The following MADD variants were observed in gnomAD, a reference collection of about 807,000 sequenced individuals.
MADD encodes the protein MAP kinase activating death domain.
MADD carries 109 observed loss-of-function variants against 176.7 expected under a neutral mutation model. The ratio of observed to expected loss-of-function variants is 0.62; its 90% CI spans 0.53 to 0.72. The LOEUF is 0.72. Ranked by LOEUF, MADD falls within the 30% of genes least tolerant of loss-of-function variation. The pLI, the probability that MADD is intolerant of heterozygous loss-of-function variation, is 0.00. For missense variants in MADD, 1,914 were observed against 2,045.5 expected, an observed-to-expected ratio of 0.94 and a Z score of 1.24; for synonymous variants, 771 against 771.3, an observed-to-expected ratio of 1.00 and a Z score of 0.01.
chr11:47,311,956 A>G (rs1041806463), intron 26 of MADD, 114 bp downstream of exon 29: 11 of 643,796 alleles, frequency 1.7e-5, no homozygotes, highest in African/African-American at 1.3e-4. Context: ...TTGACTGTAA[A>G]TGAGGCATTA....
In MADD at chr11:47,296,199, A is replaced by G. The variant is rs1289594532; in HGVS notation, c.3642+144A>G. The G allele has an allele frequency of 3.1e-6, 3 of 962,376 alleles. No homozygotes were observed. In the East Asian group the frequency reaches 7.8e-5, roughly 25 times the overall value. 59.6% of individuals were successfully genotyped at this position (962,376 alleles called of 1,614,324 possible). A position where few individuals can be genotyped will look rare whatever the true frequency, so the allele number is the denominator to read the frequency against. On this transcript the variant is annotated intron_variant, in intron 22 of 32. Coordinates refer to ENST00000402192, the Ensembl canonical transcript of MADD. ...TCTTCTTATATTTGGCTTTAAGGAA[A>G]ACATTTCTTAAGGCTTTGTTCAGAG...
At chr11:47,324,665 A>G in intron 30 of MADD, 88 bp downstream of exon 33, 1 of 880,746 alleles carries the variant, frequency 1.1e-6, no homozygotes, top group Non-Finnish European at 1.8e-6. Context: ...CCCAGCAAGC[A>G]TGAGAGAGGG....
At chr11:47,290,016 C>T (rs1555044809) in exon 17 of MADD, 3 of 1,614,036 alleles carry the variant, frequency 1.9e-6, no homozygotes, top group African/African-American at 2.7e-5. Flanking sequence ...ATGGTGCAGT[C>T]AGAGGACGAT....
At chr11:47,279,506 G>T (rs1192962238) in intron 7 of MADD, among the ~76,000 whole-genome samples, 1 of 150,506 alleles carries the variant, frequency 6.6e-6, no homozygotes, top group Non-Finnish European at 1.5e-5. Flanking sequence ...TGCCTCTCCA[G>T]GAGCTGGGAC....
intron 7 of MADD, among the ~76,000 whole-genome samples, chr11:47,280,057 G>A (rs759438701): frequency 3.9e-4 from 60 of 152,104 alleles, no homozygotes; most frequent in Admixed American, 2.6e-4. Context: ...GCCACAGAGT[G>A]AGACTCAGTC....
chr11:47,318,531 T>A (rs901389960), intron 27 of MADD, among the ~76,000 whole-genome samples: 17 of 151,992 alleles, frequency 1.1e-4, no homozygotes, highest in Non-Finnish European at 2.1e-4. Context: ...CTTTTCCTTT[T>A]AAAAAAAATA....
At chr11:47,311,824 T>C (rs971670175) in exon 26 of MADD, 1 of 1,613,458 alleles carries the variant, frequency 6.2e-7, no homozygotes, top group Non-Finnish European at 8.5e-7. Flanking sequence ...ATGAGGTGCT[T>C]GATCAGCTGG....
chr11:47,278,276 A>G, exon 6 of MADD: 1 of 1,609,232 alleles, frequency 6.2e-7, no homozygotes, highest in South Asian at 1.1e-5. Context: ...GGACAGCAAT[A>G]GGGTGAGGTT....
At chr11:47,316,653 T>A (rs2093113448) in intron 27 of MADD, among the ~76,000 whole-genome samples, 1 of 152,036 alleles carries the variant, frequency 6.6e-6, no homozygotes, top group African/African-American at 2.4e-5. Context: ...CCTCCCAAAG[T>A]GCTGAGATCA....
intron 27 of MADD, among the ~76,000 whole-genome samples, chr11:47,316,167 ACACG>A (rs946417799): frequency 8.8e-5 from 11 of 124,830 alleles, no homozygotes; most frequent in East Asian, 3.9e-4. Flanking sequence ...GCGCGCACAC[ACACG>A]CGCACACACA....
intron 16 of MADD, 53 bp downstream of exon 17, chr11:47,289,546 C>A: frequency 6.8e-7 from 1 of 1,469,194 alleles, no homozygotes; most frequent in Non-Finnish European, 9.5e-7. Context: ...TGGGGTGGTT[C>A]CTCTACAGAA....
At position 47,286,552 on chromosome 11, in the gene MADD, T is replaced by C. The variant is rs754479706; in HGVS notation, c.2653+18T>C. The C allele has an allele frequency of 6.3e-7, 1 of 1,587,890 alleles. No individual in the cohort carries two copies. The highest frequency in any genetic ancestry group is 1.7e-5 in the Admixed American group (1 of 59,840). ...TCTGAAAGGTAACTACAGCCTTCCT[T>C]TTGCCAAGCCAGGTTTCTCCGGGAG... On this transcript the variant is annotated intron_variant, in intron 15 of 32. Transcript: ENST00000402192.
rs1285239531 is a variant in MADD at position 47,315,529 on chromosome 11, T to C, written c.4197+202T>C. 4.0e-5 allele frequency among the ~76,000 whole-genome samples: 6 copies of C among 151,062 alleles called. No homozygotes were observed. The East Asian group carries it at 7.9e-4, about 20-fold the overall frequency. On this transcript the variant is annotated intron_variant, in intron 27 of 32. Coordinates refer to ENST00000402192, the Ensembl canonical transcript of MADD. Reference sequence around the variant, plus strand: ...TCGCTCTGTCACCCAGGCTGGAGTGTAGTGGCTTGATCTCGGCTCACTGCA... The same window carrying C: ...TCGCTCTGTCACCCAGGCTGGAGTGCAGTGGCTTGATCTCGGCTCACTGCA...
chr11:47,316,733 C>A (rs1168796743), intron 27 of MADD, among the ~76,000 whole-genome samples: 1 of 151,864 alleles, frequency 6.6e-6, no homozygotes, highest in East Asian at 1.9e-4. Context: ...AACACAAATT[C>A]TTATTTTCCT....
chr11:47,327,567 C>T, intron 31 of MADD: 4 of 985,402 alleles, frequency 4.1e-6, no homozygotes, highest in Non-Finnish European at 3.6e-6. Context: ...TTCTCCCCTA[C>T]CCTCTTTCTT....
chr11:47,286,584 C>G (rs768676728), intron 15 of MADD, 50 bp downstream of exon 15: 2 of 1,434,782 alleles, frequency 1.4e-6, no homozygotes, highest in East Asian at 4.5e-5. Context: ...GGAGATGTTT[C>G]GGGCTGTGGG....
intron 23 of MADD, chr11:47,308,987 C>T (rs756739056): frequency 6.2e-7 from 1 of 1,613,974 alleles, no homozygotes; most frequent in Non-Finnish European, 8.5e-7. Context: ...CAGGAAGGGA[C>T]AAAGGATCCA....
At chr11:47,297,856 T>C (rs1170201718) in intron 22 of MADD, among the ~76,000 whole-genome samples, 1 of 149,444 alleles carries the variant, frequency 6.7e-6, no homozygotes, top group East Asian at 2.0e-4. Context: ...TGGCGCGATC[T>C]CTGCTCACTG....
At chr11:47,289,344 C>T in intron 15 of MADD, 47 bp from the exon 17 acceptor site, 2 of 1,472,974 alleles carry the variant, frequency 1.4e-6, no homozygotes, top group Non-Finnish European at 1.9e-6. Flanking sequence ...GCATGAGCTC[C>T]TGTACTACAA....
Sources: allele counts gnomAD v4.1 joint callset (sites outside exome capture counted in the v4.1 genomes callset), GRCh38; gene constraint gnomAD v4.1.1; transcripts MANE v1.5; gene names NCBI Gene and HGNC (gene_info 2026-07-23, HGNC 2026-07-21).